Variants in NSRP1 observed in about 807,000 individuals in gnomAD.
NSRP1 encodes nuclear speckle splicing regulatory protein 1, also known as coiled-coil domain containing 55.
Under a neutral mutation model 54.7 loss-of-function variants are expected in NSRP1, and 24 were observed. That is an observed-to-expected ratio of 0.44 (90% confidence interval 0.32 to 0.62). The LOEUF is 0.62. Among genes scored for constraint, NSRP1 ranks in the 20% least tolerant of loss-of-function variants. NSRP1 has a pLI of 0.06. For missense variants in NSRP1, 596 were observed against 651.2 expected (o/e 0.92, Z 0.92); for synonymous variants, 210 against 213.8 (o/e 0.98, Z 0.15).
intron 2 of NSRP1, among the ~76,000 whole-genome samples, chr17:30,139,635 T>TC (rs1689798126): frequency 6.6e-6 from 1 of 152,134 alleles, no homozygotes; most frequent in Non-Finnish European, 1.5e-5. Context: ...CTTTTTTTTT[T>TC]CCTCTAAAAC....
At chr17:30,145,695 T>C (rs2071848283) in intron 2 of NSRP1, among the ~76,000 whole-genome samples, 1 of 149,096 alleles carries the variant, frequency 6.7e-6, no homozygotes, top group African/African-American at 2.5e-5. Context: ...ATTTATTTAC[T>C]TTTTTTTTTG....
At chr17:30,179,786 C>T (rs1441329515) in intron 5 of NSRP1, among the ~76,000 whole-genome samples, 1 of 151,958 alleles carries the variant, frequency 6.6e-6, no homozygotes, top group Non-Finnish European at 1.5e-5. Flanking sequence ...AATGCTTTAC[C>T]TTAGTGCTTT....
chr17:30,132,792 T>G (rs1199797944), intron 2 of NSRP1, among the ~76,000 whole-genome samples: 1 of 152,204 alleles, frequency 6.6e-6, no homozygotes, highest in African/African-American at 2.4e-5. Context: ...TCTTCCAAAC[T>G]CATGTTAATG....
chr17:30,153,746 G>T (rs140134452), intron 2 of NSRP1, among the ~76,000 whole-genome samples: 216 of 152,212 alleles, frequency 1.4e-3, no homozygotes, highest in Non-Finnish European at 1.6e-3. Flanking sequence ...TTCACCATTT[G>T]TCCCTTGAGG....
At chr17:30,119,277 TGTATTTTTA>T (rs1415465572) in intron 2 of NSRP1, among the ~76,000 whole-genome samples, 1 of 151,818 alleles carries the variant, frequency 6.6e-6, no homozygotes, top group Non-Finnish European at 1.5e-5. Context: ...TTTATTTTTT[TGTATTTTTA>T]GTATTTTTAA....
intron 3 of NSRP1, among the ~76,000 whole-genome samples, chr17:30,175,044 G>T (rs1473437908): frequency 1.3e-5 from 2 of 152,084 alleles, no homozygotes; most frequent in African/African-American, 2.4e-5. Flanking sequence ...TATACATTTT[G>T]TTTGTTTCTA....
chr17:30,177,213 A>T (rs1905155827), intron 3 of NSRP1, among the ~76,000 whole-genome samples: 1 of 151,982 alleles, frequency 6.6e-6, no homozygotes, highest in African/African-American at 2.4e-5. Context: ...TCTACAAAAC[A>T]TATAAAAATT....
intron 2 of NSRP1, among the ~76,000 whole-genome samples, chr17:30,165,170 T>C (rs1333728063): frequency 3.9e-5 from 6 of 152,146 alleles, no homozygotes; most frequent in African/African-American, 1.4e-4. Flanking sequence ...GGATTAGAGA[T>C]GGAGGAGGAA....
intron 2 of NSRP1, among the ~76,000 whole-genome samples, chr17:30,147,490 A>G (rs949161952): frequency 2.8e-4 from 42 of 148,094 alleles, no homozygotes; most frequent in East Asian, 8.2e-4. Context: ...TTTGAGATGG[A>G]GTCTCGCTCT....
intron 6 of NSRP1, among the ~76,000 whole-genome samples, chr17:30,183,558 G>C (rs1409662202): frequency 6.6e-6 from 1 of 152,090 alleles, no homozygotes; most frequent in East Asian, 1.9e-4. Flanking sequence ...ACTGTTAGTG[G>C]GTCCTTTAGC....
At position 30,184,801 on chromosome 17, in the gene NSRP1, A is replaced by C; in HGVS notation, c.804A>C (p.Arg268Ser). ...TAGAAGAAACTAGAGTGAACTGCAG[A>C]AGGGAAAAGGTCATAGAGACCCCTG... ...DEIEETRVNC[R>S]REKVIETPEN... The change falls in exon 7 of 7, where the codon AGA becomes AGC. Residue 268 changes from arginine (R) to serine (S), a missense_variant. Transcript: ENST00000247026. 6.2e-7 allele frequency: 1 copy of C among 1,613,984 alleles called. No individual in the cohort carries two copies. The highest frequency in any genetic ancestry group is 8.5e-7 in the Non-Finnish European group (1 of 1,179,920).
At chr17:30,126,769 T>C (rs2071653523) in intron 2 of NSRP1, among the ~76,000 whole-genome samples, 1 of 152,190 alleles carries the variant, frequency 6.6e-6, no homozygotes, top group African/African-American at 2.4e-5. Flanking sequence ...TGTATTTTTT[T>C]GTAGAGACAG....
At chr17:30,177,656 G>A (rs751856872) in intron 3 of NSRP1, among the ~76,000 whole-genome samples, 1 of 152,122 alleles carries the variant, frequency 6.6e-6, no homozygotes, top group Non-Finnish European at 1.5e-5. Context: ...AAGGTTAGGT[G>A]TTTCCATCGT....
intron 2 of NSRP1, among the ~76,000 whole-genome samples, chr17:30,147,376 C>T (rs1260264368): frequency 1.3e-5 from 2 of 151,950 alleles, no homozygotes; most frequent in Non-Finnish European, 2.9e-5. Context: ...GAGATCTGCC[C>T]ACCTTGGCCT....
At chr17:30,124,727 G>A (rs911301556) in intron 2 of NSRP1, among the ~76,000 whole-genome samples, 2 of 152,216 alleles carry the variant, frequency 1.3e-5, no homozygotes, top group Non-Finnish European at 2.9e-5. Flanking sequence ...GTCTTAGAGA[G>A]AAAGGTTCTC....
chr17:30,157,709 TA>T (rs1183765385), intron 2 of NSRP1, among the ~76,000 whole-genome samples: 6 of 152,140 alleles, frequency 3.9e-5, no homozygotes, highest in Admixed American at 2.0e-4. Context: ...TTCTATACTC[TA>T]TGTCCATGAG....
At chr17:30,179,544 T>C (rs761242742) in intron 5 of NSRP1, among the ~76,000 whole-genome samples, 2 of 152,218 alleles carry the variant, frequency 1.3e-5, no homozygotes, top group African/African-American at 2.4e-5. Context: ...TAGTTCTCAT[T>C]TTGTGGCTTT....
At chr17:30,170,619 T>C (rs1275677994) in intron 2 of NSRP1, among the ~76,000 whole-genome samples, 1 of 152,232 alleles carries the variant, frequency 6.6e-6, no homozygotes, top group East Asian at 1.9e-4. Flanking sequence ...AAGATCTCCT[T>C]TTTAAAGGCT....
chr17:30,126,596 A>T (rs9893762), intron 2 of NSRP1, among the ~76,000 whole-genome samples: 152,252 of 152,320 alleles, frequency 1, 76,092 homozygotes, highest in Middle Eastern at 1. Flanking sequence ...CTAGCTTCGT[A>T]TTTATTTTTT....
Sources: allele counts gnomAD v4.1 joint callset (sites outside exome capture counted in the v4.1 genomes callset), GRCh38; gene constraint gnomAD v4.1.1; transcripts MANE v1.5; gene names NCBI Gene and HGNC (gene_info 2026-07-23, HGNC 2026-07-21).